The following AMMECR1 variants were observed in gnomAD, a reference collection of about 807,000 sequenced individuals.
AMMECR1 encodes the protein nuclear protein AMMECR1.
A neutral mutation model predicts 22.5 loss-of-function variants in AMMECR1; 3 were observed. The ratio of observed to expected loss-of-function variants is 0.13; its 90% CI spans 0.06 to 0.35. AMMECR1 has a LOEUF of 0.35. AMMECR1 is among the 10% of genes least tolerant of loss of function. The pLI, the probability that AMMECR1 is intolerant of heterozygous loss-of-function variation, is 1.00. For missense variants in AMMECR1, 235 were observed against 278.7 expected (o/e 0.84, Z 1.12); for synonymous variants, 130 against 116.7 (o/e 1.11, Z -0.74).
At chrX:110,309,345 TTG>T (rs2068013577) in intron 1 of AMMECR1, 1 of 112,029 alleles carries the variant, frequency 8.9e-6, no homozygotes, top group African/African-American at 3.3e-5. Flanking sequence ...GTTACTAAAG[TTG>T]TATGTAATAT....
At position 110,340,792 on chromosome X, in the gene AMMECR1, G is replaced by A. The variant is rs1406243670; in HGVS notation, c.-147-22943C>T. 2.7e-5 allele frequency among the ~76,000 whole-genome samples: 3 copies of A among 112,343 alleles called. No individual in the cohort carries two copies. In the Admixed American group the frequency reaches 2.8e-4, roughly 11 times the overall value. On this transcript the variant is annotated intron_variant, in intron 2 of 7. Transcript: ENST00000372057. ...TACTTATCTGTCATCAAGGATGATG[G>A]CACAAGTTTCTGAGCAGCACTGATT...
At chrX:110,199,421 C>A (rs992844874) in intron 5 of AMMECR1, among the ~76,000 whole-genome samples, 3 of 110,845 alleles carry the variant, frequency 2.7e-5, no homozygotes, top group Non-Finnish European at 5.7e-5. Flanking sequence ...TCTATACTGT[C>A]CCCCCACAGT....
At chrX:110,318,213 G>T, upstream of AMMECR1, 2 of 351,941 alleles carry the variant, frequency 5.7e-6, no homozygotes, top group Non-Finnish European at 3.7e-6. Flanking sequence ...GGCCCCGTCT[G>T]CCTAGCCACG....
intron 2 of AMMECR1, among the ~76,000 whole-genome samples, chrX:110,348,473 C>T (rs2068199137): frequency 8.9e-6 from 1 of 112,235 alleles, no homozygotes; most frequent in African/African-American, 3.2e-5. Context: ...TTAAACTACA[C>T]ATTTACATAC....
At chrX:110,331,949 C>T (rs2068122553) in intron 2 of AMMECR1, among the ~76,000 whole-genome samples, 1 of 111,418 alleles carries the variant, frequency 9.0e-6, no homozygotes, top group Non-Finnish European at 1.9e-5. Context: ...TTGGAATGTT[C>T]CTCTCCACTT....
intron 1 of AMMECR1, among the ~76,000 whole-genome samples, chrX:110,310,736 C>T (rs779421467): frequency 8.9e-6 from 1 of 112,148 alleles, no homozygotes; most frequent in South Asian, 3.7e-4. Flanking sequence ...AGTATGAACC[C>T]TTGCATATGC....
At chrX:110,257,972 T>C (rs983933041) in intron 2 of AMMECR1, among the ~76,000 whole-genome samples, 3 of 111,497 alleles carry the variant, frequency 2.7e-5, no homozygotes. Context: ...AAATTTCTTA[T>C]AGTTCACTCT....
At chrX:110,363,823 A>G in intron 2 of AMMECR1, among the ~76,000 whole-genome samples, 1 of 111,410 alleles carries the variant, frequency 9.0e-6, no homozygotes, top group Non-Finnish European at 1.9e-5. Context: ...AGAGTCAAAC[A>G]CTTTACATAA....
intron 2 of AMMECR1, among the ~76,000 whole-genome samples, chrX:110,387,100 C>T (rs1486493766): frequency 1.8e-5 from 2 of 111,779 alleles, no homozygotes. Context: ...AATTAACTAC[C>T]GCCATGCCTG....
At chrX:110,232,942 A>C (rs1364075325) in intron 2 of AMMECR1, among the ~76,000 whole-genome samples, 1 of 106,677 alleles carries the variant, frequency 9.4e-6, no homozygotes, top group East Asian at 2.9e-4. Context: ...AGAGCAAACC[A>C]ATTCAAAAGC....
At chrX:110,365,746 T>A (rs1343795740) in intron 2 of AMMECR1, among the ~76,000 whole-genome samples, 2 of 111,978 alleles carry the variant, frequency 1.8e-5, no homozygotes, top group African/African-American at 6.5e-5. Flanking sequence ...TGGTTGCTCA[T>A]GATCTTTCTG....
intron 2 of AMMECR1, among the ~76,000 whole-genome samples, chrX:110,388,168 T>C (rs1030825359): frequency 1.8e-5 from 2 of 111,876 alleles, no homozygotes; most frequent in African/African-American, 6.5e-5. Context: ...CCCAGCCTGA[T>C]CATTATCTCT....
At chrX:110,249,306 C>T (rs1287043096) in intron 2 of AMMECR1, among the ~76,000 whole-genome samples, 1 of 109,755 alleles carries the variant, frequency 9.1e-6, no homozygotes, top group Non-Finnish European at 1.9e-5. Context: ...GAAGCTTTCA[C>T]CAGGGAAGGG....
intron 2 of AMMECR1, among the ~76,000 whole-genome samples, chrX:110,332,043 TA>T (rs1385483260): frequency 3.6e-5 from 4 of 111,707 alleles, no homozygotes; most frequent in African/African-American, 1.3e-4. Context: ...ATTATAGATC[TA>T]TTCCCTTCTG....
chrX:110,326,163 T>G lies in AMMECR1; in HGVS notation c.-147-8314A>C, dbSNP rs1021580958. ...CATCACCACGCCTGGCTAATTTTTT[T>G]GTATTTTTAGTAGAAACGGGGTTTC... On this transcript the variant is annotated intron_variant, in intron 2 of 7. Transcript: ENST00000372057. Among the ~76,000 whole-genome samples, 5 of 111,026 alleles carry G rather than the reference T, an allele frequency of 4.5e-5. No homozygotes were observed. In the East Asian group the frequency reaches 1.4e-3, roughly 32 times the overall value.
intron 2 of AMMECR1, among the ~76,000 whole-genome samples, chrX:110,228,378 T>C (rs2067544667): frequency 9.0e-6 from 1 of 111,210 alleles, no homozygotes; most frequent in Non-Finnish European, 1.9e-5. Flanking sequence ...GATCATCTAG[T>C]CTACATCCTT....
intron 2 of AMMECR1, among the ~76,000 whole-genome samples, chrX:110,220,913 C>T (rs760785047): frequency 8.9e-6 from 1 of 112,224 alleles, no homozygotes; most frequent in East Asian, 2.8e-4. Flanking sequence ...AAAAAAAAGT[C>T]GCTGAAAAGA....
intron 2 of AMMECR1, among the ~76,000 whole-genome samples, chrX:110,217,131 G>A (rs1461505935): frequency 9.4e-6 from 1 of 106,459 alleles, no homozygotes; most frequent in Non-Finnish European, 1.9e-5. Context: ...ATACTAGGAA[G>A]GCCAGTCACC....
chrX:110,253,553 T>C (rs2067696400), intron 2 of AMMECR1, among the ~76,000 whole-genome samples: 1 of 113,004 alleles, frequency 8.8e-6, no homozygotes, highest in African/African-American at 3.2e-5. Flanking sequence ...AAAAAATATG[T>C]GCTTTTAAAA....
Sources: gnomAD v4.1 joint callset for allele counts (sites outside exome capture counted in the v4.1 genomes callset) on GRCh38, gnomAD v4.1.1 for gene constraint, MANE v1.5 for transcripts, NCBI Gene and HGNC (gene_info 2026-07-23, HGNC 2026-07-21) for gene names.